The following NTM variants were observed in gnomAD, a reference collection of about 807,000 sequenced individuals.
NTM encodes the protein IgLON family member 2.
In NTM, 13 loss-of-function variants were observed where a neutral mutation model predicts 42.1. That is an observed-to-expected ratio of 0.31 (90% confidence interval 0.20 to 0.49). The LOEUF is 0.49. NTM is among the 20% of genes least tolerant of loss of function. The probability of loss-of-function intolerance (pLI) is 0.99; values close to 1 mark genes in which losing one functional copy is unlikely to be tolerated. For synonymous variants in NTM, 187 were observed against 179.2 expected (o/e 1.04, Z -0.35); for missense variants, 373 against 452.8 (o/e 0.82, Z 1.60).
intron 1 of NTM, among the ~76,000 whole-genome samples, chr11:131,841,388 T>C (rs187421883): frequency 6.6e-6 from 1 of 152,310 alleles, no homozygotes; most frequent in Non-Finnish European, 1.5e-5. Flanking sequence ...CACTGTGTGC[T>C]AGGTGTTAGA....
chr11:132,052,733 A>G lies in NTM; in HGVS notation c.168-93549A>G, dbSNP rs2079030184. 1.3e-5 allele frequency among the ~76,000 whole-genome samples: 2 copies of G among 151,910 alleles called. 1 individual carries two copies. Among genetic ancestry groups the G allele is most frequent in the South Asian group, 4.2e-4 (2 of 4,810 alleles). On this transcript the variant is annotated intron_variant, in intron 2 of 8. Transcript: ENST00000683400. ...TTTTCTAGGGGGCAAGTGGAATAGT[A>G]GAATCAATTATCTCTTCACAAACGT...
intron 2 of NTM, among the ~76,000 whole-genome samples, chr11:131,950,160 C>G (rs1057390397): frequency 3.3e-5 from 5 of 152,200 alleles, no homozygotes; most frequent in Non-Finnish European, 2.9e-5. Context: ...TTCAGTGCCA[C>G]TTGCCTGGGT....
At chr11:132,017,804 A>G (rs2135488534) in intron 2 of NTM, among the ~76,000 whole-genome samples, 1 of 152,076 alleles carries the variant, frequency 6.6e-6, no homozygotes, top group East Asian at 1.9e-4. Context: ...TCTTTTATTT[A>G]GATCTGTTTT....
intron 3 of NTM, among the ~76,000 whole-genome samples, chr11:132,169,110 G>A (rs1018010250): frequency 3.2e-4 from 49 of 151,946 alleles, no homozygotes; most frequent in African/African-American, 1.1e-3. Context: ...AATCACACAG[G>A]CATTTGGATT....
At chr11:131,828,576 T>C (rs972579496) in intron 1 of NTM, among the ~76,000 whole-genome samples, 3 of 152,010 alleles carry the variant, frequency 2.0e-5, no homozygotes, top group Non-Finnish European at 2.9e-5. Context: ...ACCACCACCT[T>C]CACAGTCATC....
At chr11:131,981,684 G>C (rs1237295429) in intron 2 of NTM, among the ~76,000 whole-genome samples, 1 of 152,126 alleles carries the variant, frequency 6.6e-6, no homozygotes, top group African/African-American at 2.4e-5. Context: ...GTTCAATTCA[G>C]ATAACCTTGC....
intron 2 of NTM, among the ~76,000 whole-genome samples, chr11:132,026,801 G>A (rs369716506): frequency 9.2e-5 from 14 of 152,212 alleles, no homozygotes; most frequent in African/African-American, 3.1e-4. Context: ...GAAGGGAACG[G>A]TATTGAGGAT....
intron 4 of NTM, among the ~76,000 whole-genome samples, chr11:132,269,258 GAGA>G (rs1488688991): frequency 2.6e-5 from 4 of 152,188 alleles, no homozygotes; most frequent in African/African-American, 9.6e-5. Flanking sequence ...GAGATCTGGA[GAGA>G]AGGACAGAGA....
intron 3 of NTM, among the ~76,000 whole-genome samples, chr11:132,197,227 G>T (rs1370330418): frequency 2.6e-5 from 4 of 151,502 alleles, no homozygotes; most frequent in Non-Finnish European, 4.4e-5. Flanking sequence ...GGGTAGATCT[G>T]CTCAAGTACT....
chr11:132,029,782 A>G (rs2075682527), intron 2 of NTM, among the ~76,000 whole-genome samples: 1 of 152,074 alleles, frequency 6.6e-6, no homozygotes, highest in Non-Finnish European at 1.5e-5. Flanking sequence ...CATATAAGGG[A>G]GGGAGTGGAG....
At chr11:131,515,118 T>C (rs2048732005) in intron 1 of NTM, among the ~76,000 whole-genome samples, 1 of 152,174 alleles carries the variant, frequency 6.6e-6, no homozygotes. Context: ...TCTCCCTATG[T>C]TGCCCTGGCT....
At chr11:131,883,758 C>T (rs1000394810) in intron 1 of NTM, among the ~76,000 whole-genome samples, 2 of 152,142 alleles carry the variant, frequency 1.3e-5, no homozygotes, top group African/African-American at 2.4e-5. Flanking sequence ...TTTCCCTACT[C>T]CTTCAAAGGC....
intron 3 of NTM, among the ~76,000 whole-genome samples, chr11:132,207,485 T>A (rs1451802778): frequency 6.6e-6 from 1 of 152,190 alleles, no homozygotes; most frequent in South Asian, 2.1e-4. Context: ...TTTCATTATA[T>A]GTTACAACAT....
intron 1 of NTM, among the ~76,000 whole-genome samples, chr11:131,559,551 A>T (rs992694861): frequency 6.6e-6 from 1 of 152,256 alleles, no homozygotes; most frequent in Admixed American, 6.5e-5. Context: ...ATAGAGGCAA[A>T]ACACATAAAA....
At chr11:131,864,188 G>C (rs868865362) in intron 1 of NTM, among the ~76,000 whole-genome samples, 1 of 152,172 alleles carries the variant, frequency 6.6e-6, no homozygotes, top group Non-Finnish European at 1.5e-5. Context: ...GAAATGTAAA[G>C]ATTTAGACAA....
intron 1 of NTM, among the ~76,000 whole-genome samples, chr11:131,734,614 C>T (rs2080175029): frequency 6.6e-6 from 1 of 152,166 alleles, no homozygotes; most frequent in South Asian, 2.1e-4. Flanking sequence ...TCCCTGTGCT[C>T]GTATCGCCCT....
intron 2 of NTM, among the ~76,000 whole-genome samples, chr11:132,006,631 T>G (rs1211092059): frequency 6.6e-6 from 1 of 152,204 alleles, no homozygotes; most frequent in Non-Finnish European, 1.5e-5. Flanking sequence ...CTATTCTAAA[T>G]TCAGGAGAGC....
At chr11:132,213,507 C>G (rs2083255974) in intron 4 of NTM, among the ~76,000 whole-genome samples, 1 of 152,104 alleles carries the variant, frequency 6.6e-6, no homozygotes, top group South Asian at 2.1e-4. Flanking sequence ...CACCAGCAGC[C>G]GGTCCTTCTG....
At chr11:131,666,092 G>T (rs1238554438) in intron 1 of NTM, among the ~76,000 whole-genome samples, 3 of 152,166 alleles carry the variant, frequency 2.0e-5, no homozygotes, top group African/African-American at 4.8e-5. Context: ...TCAGTCTGTT[G>T]TATTTTTTTC....
Sources: gnomAD v4.1 joint callset for allele counts (sites outside exome capture counted in the v4.1 genomes callset) on GRCh38, gnomAD v4.1.1 for gene constraint, MANE v1.5 for transcripts, NCBI Gene and HGNC (gene_info 2026-07-23, HGNC 2026-07-21) for gene names.